SMARCD3: variants seen among roughly 807,000 people sequenced by gnomAD.
SMARCD3 encodes SWI/SNF-related matrix-associated actin-dependent regulator of chromatin subfamily D member 3.
A neutral mutation model predicts 58.0 loss-of-function variants in SMARCD3; 14 were observed. That is an observed-to-expected ratio of 0.24 (90% CI 0.16 to 0.38). The LOEUF (loss-of-function observed/expected upper bound fraction) is 0.38. Among genes scored for constraint, SMARCD3 ranks in the 10% least tolerant of loss-of-function variants. The pLI is 1.00. For synonymous variants in SMARCD3, 253 were observed against 253.8 expected, an observed-to-expected ratio of 1.00 and a Z score of 0.03; for missense variants, 408 against 636.9, an observed-to-expected ratio of 0.64 and a Z score of 3.87.
In SMARCD3 at chr7:151,242,408, G is replaced by T; in HGVS notation, c.579+73C>A. On this transcript the variant is annotated intron_variant, in intron 5 of 12. Transcript: ENST00000262188. This position sits in a 1 kb window ranked among gnomAD's most constrained non-coding sequence, Gnocchi z 4.7. ...GGCTGACTCCCTAGCCCTTAGTGCA[G>T]ACACCTTGTTCTGTTCTCAGTGCAG... The T allele has an allele frequency of 6.3e-7, 1 of 1,586,906 alleles. No individual in the cohort carries two copies. The highest frequency in any genetic ancestry group is 8.6e-7 in the Non-Finnish European group (1 of 1,162,274).
Position 151,245,197 on chromosome 7 carries a change from A to T in SMARCD3, c.290+263T>A, listed in dbSNP as rs1474124933. On this transcript the variant is annotated intron_variant, in intron 2 of 12. Transcript: ENST00000262188. This position sits in a 1 kb window ranked among gnomAD's most constrained non-coding sequence, Gnocchi z 6.2. ...GGTGGAGAGAAGGACTGAGCAGGTG[A>T]CAAGGAGAAGGGTGAGGGGAGCGTG... Among the ~76,000 whole-genome samples the T allele has an allele frequency of 1.3e-5, 2 of 150,800 alleles. No individual in the cohort carries two copies. The highest frequency in any genetic ancestry group is 3.0e-5 in the Non-Finnish European group (2 of 67,792).
intron 2 of SMARCD3, among the ~76,000 whole-genome samples, chr7:151,262,273 G>A (rs976004297): frequency 1.3e-5 from 2 of 151,922 alleles, no homozygotes; most frequent in Non-Finnish European, 2.9e-5. Context: ...GTAGAGACAA[G>A]GTCTTGCTAC....
In SMARCD3 at chr7:151,241,916, C is replaced by T. The variant is rs756155185; in HGVS notation, c.738G>A (p.Leu246=). 106 of 1,612,660 alleles carry T rather than the reference C, an allele frequency of 6.6e-5. No individual in the cohort carries two copies. The Admixed American group carries it at 1.7e-3, about 26-fold the overall frequency. The change falls in exon 7 of 13, where the codon CTG becomes CTA. Residue 246 remains leucine, a synonymous_variant. Coordinates refer to ENST00000262188, the MANE Select transcript of SMARCD3 (RefSeq NM_001003801.2). The surrounding 1 kb of genome is among the most constrained non-coding windows in gnomAD (Gnocchi z 5.3). ...DGFQVKRPGD[L]SVRCTLLLML... is the part of the protein sequence containing the mutation. ...TGAGGAGCAGCGTGCAGCGCACACT[C>T]AGGTCCCCAGGCCGTTTCACCTGGA...
At chr7:151,251,539 C>A (rs1741070788), upstream of SMARCD3, among the ~76,000 whole-genome samples, 1 of 152,056 alleles carries the variant, frequency 6.6e-6, no homozygotes, top group South Asian at 2.1e-4. Flanking sequence ...GGCCAGGGCT[C>A]CCTCCTCACA....
At chr7:151,266,750 C>T (rs565528903) in intron 2 of SMARCD3, among the ~76,000 whole-genome samples, 3 of 152,214 alleles carry the variant, frequency 2.0e-5, no homozygotes, top group South Asian at 2.1e-4. Context: ...GTCTGGCTAT[C>T]GCCTAGGCTG....
intron 2 of SMARCD3, among the ~76,000 whole-genome samples, chr7:151,254,062 T>C (rs1175966879): frequency 6.6e-6 from 1 of 152,144 alleles, no homozygotes; most frequent in African/African-American, 2.4e-5. Context: ...CATAGGGTGG[T>C]TGAGACTCCA....
chr7:151,248,416 T>A lies in SMARCD3; in HGVS notation c.78+69A>T. On this transcript the variant is annotated intron_variant, in intron 1 of 12. Coordinates refer to ENST00000262188, the MANE Select transcript of SMARCD3 (RefSeq NM_001003801.2). The surrounding 1 kb of genome is among the most constrained non-coding windows in gnomAD (Gnocchi z 6.1). ...AGAGCGGGAGCGCCCTCCCGGCCCC[T>A]CCCGATCAGCCCTCCATTCAGCCCG... 4.6e-6 allele frequency: 6 copies of A among 1,293,466 alleles called. No individual in the cohort carries two copies. The highest frequency in any genetic ancestry group is 6.6e-6 in the Non-Finnish European group (6 of 902,988). The allele number at this position is 1,293,466 out of a possible 1,614,324, so 80.1% of individuals were successfully genotyped here.
Position 151,239,981 on chromosome 7 carries a change from C to G in SMARCD3, c.1173+131G>C. On this transcript the variant is annotated intron_variant, in intron 10 of 12. Transcript: ENST00000262188. The surrounding 1 kb of genome is among the most constrained non-coding windows in gnomAD (Gnocchi z 7.0). Reference sequence around the variant, plus strand: ...CATGTGTGTCCCATTGGCCCAGAGTCTGGTCTCTTTTTTTTTTTTTTTTTT... The same window carrying G: ...CATGTGTGTCCCATTGGCCCAGAGTGTGGTCTCTTTTTTTTTTTTTTTTTT... 1 of 1,031,464 alleles carries G rather than the reference C, an allele frequency of 9.7e-7. No individual in the cohort carries two copies. Among genetic ancestry groups the G allele is most frequent in the Non-Finnish European group, 1.4e-6 (1 of 723,048 alleles). The allele number at this position is 1,031,464 out of a possible 1,614,324, so 63.9% of individuals were successfully genotyped here.
Position 151,242,948 on chromosome 7 carries a change from G to A in SMARCD3, c.334-105C>T. On this transcript the variant is annotated intron_variant, in intron 3 of 12. Transcript: ENST00000262188. This position sits in a 1 kb window ranked among gnomAD's most constrained non-coding sequence, Gnocchi z 4.7. ...CTAGGGTACAAAAGATGTCAGGGGA[G>A]CCATCCTACTTTTGGGCATGTAGCT... 1.4e-6 allele frequency: 2 copies of A among 1,404,706 alleles called. No individual in the cohort carries two copies. Among genetic ancestry groups the A allele is most frequent in the Non-Finnish European group, 9.7e-7 (1 of 1,034,514 alleles). 87.0% of individuals were successfully genotyped at this position (1,404,706 alleles called of 1,614,324 possible). A position where few individuals can be genotyped will look rare whatever the true frequency, so the allele number is the denominator to read the frequency against.
At chr7:151,257,014 C>G (rs191253975) in intron 2 of SMARCD3, among the ~76,000 whole-genome samples, 2 of 152,314 alleles carry the variant, frequency 1.3e-5, no homozygotes, top group Admixed American at 1.3e-4. Flanking sequence ...TGCACAAGTA[C>G]TGTTACATCC....
upstream of SMARCD3, chr7:151,249,190 C>G (rs1025453869): frequency 1.3e-5 from 2 of 151,992 alleles, no homozygotes; most frequent in Non-Finnish European, 2.9e-5. This position sits in a 1 kb window ranked among gnomAD's most constrained non-coding sequence, Gnocchi z 4.8. Context: ...TGGCAGGAAC[C>G]GGGGGAGCCC....
Position 151,241,284 on chromosome 7 carries a change from C to T in SMARCD3, c.939+208G>A. On this transcript the variant is annotated intron_variant, in intron 8 of 12. Transcript: ENST00000262188. The surrounding 1 kb of genome is among the most constrained non-coding windows in gnomAD (Gnocchi z 5.3). ...GGTCTTCCTAACTTGGGGGGGCTAA[C>T]ATGGATTGGCTGCAGCACAGAGCTA... 1 of 618,918 alleles carries T rather than the reference C, an allele frequency of 1.6e-6. No individual in the cohort carries two copies. Among genetic ancestry groups the T allele is most frequent in the Non-Finnish European group, 2.9e-6 (1 of 340,054 alleles). 38.3% of individuals were successfully genotyped at this position (618,918 alleles called of 1,614,324 possible).
At chr7:151,257,816 C>G (rs1803752751) in intron 2 of SMARCD3, among the ~76,000 whole-genome samples, 1 of 152,126 alleles carries the variant, frequency 6.6e-6, no homozygotes, top group Non-Finnish European at 1.5e-5. Context: ...CGCTCACTTC[C>G]TCGGAGATCT....
intron 2 of SMARCD3, among the ~76,000 whole-genome samples, chr7:151,270,607 T>A (rs995984349): frequency 6.6e-6 from 1 of 151,886 alleles, no homozygotes; most frequent in Non-Finnish European, 1.5e-5. Context: ...GGAACTGACG[T>A]GGAGGCTTCA....
chr7:151,274,317 C>T (rs1795271070), intron 2 of SMARCD3, among the ~76,000 whole-genome samples: 1 of 152,226 alleles, frequency 6.6e-6, no homozygotes, highest in Non-Finnish European at 1.5e-5. Flanking sequence ...CGACCCCTTA[C>T]CATGCCAGCT....
At chr7:151,255,495 G>A (rs999043892) in intron 2 of SMARCD3, among the ~76,000 whole-genome samples, 6 of 152,106 alleles carry the variant, frequency 3.9e-5, no homozygotes, top group Admixed American at 2.0e-4. Flanking sequence ...GTCACTCTCC[G>A]GAGCACCACT....
chr7:151,270,063 C>T (rs1005138981), intron 2 of SMARCD3, among the ~76,000 whole-genome samples: 5 of 152,108 alleles, frequency 3.3e-5, no homozygotes, highest in Admixed American at 6.5e-5. Flanking sequence ...AGAGCCTGTG[C>T]GAAAGCTGCC....
rs1296234819 is a variant in SMARCD3, at chr7:151,242,453, A to G, written c.579+28T>C. The G allele has an allele frequency of 6.2e-7, 1 of 1,609,094 alleles. No homozygotes were observed. Among genetic ancestry groups the G allele is most frequent in the Admixed American group, 1.7e-5 (1 of 59,984 alleles). ...GTGCAGCCCATGCCCACCCCAGGAC[A>G]CCTGGAGAGACCTGGGCCGGGACGT... is the stretch of plus-strand genomic sequence containing the variant. On this transcript the variant is annotated intron_variant, in intron 5 of 12. Coordinates refer to ENST00000262188, the MANE Select transcript of SMARCD3 (RefSeq NM_001003801.2). The surrounding 1 kb of genome is among the most constrained non-coding windows in gnomAD (Gnocchi z 4.7).
chr7:151,244,429 A>G (rs1490778504), intron 2 of SMARCD3, among the ~76,000 whole-genome samples: 1 of 152,152 alleles, frequency 6.6e-6, no homozygotes, highest in Admixed American at 6.5e-5. Context: ...AACCCCCAGA[A>G]AAACCTTGGC....
Sources: allele counts gnomAD v4.1 joint callset (sites outside exome capture counted in the v4.1 genomes callset), GRCh38; gene constraint gnomAD v4.1.1; non-coding constraint Gnocchi (gnomAD v3.1); transcripts MANE v1.5; gene names NCBI Gene and HGNC (gene_info 2026-07-23, HGNC 2026-07-21).